Variants in PRKCH observed in about 807,000 individuals in gnomAD.
PRKCH encodes the protein protein kinase C eta type.
PRKCH carries 28 observed loss-of-function variants against 82.5 expected under a neutral mutation model. The observed-to-expected ratio is 0.34, with a 90% CI of 0.25 to 0.47. PRKCH has a LOEUF of 0.47. Ranked by LOEUF, PRKCH falls within the 20% of genes least tolerant of loss-of-function variation. The pLI is 1.00. For missense variants in PRKCH, 705 were observed against 881.8 expected (o/e 0.80, Z 2.54); for synonymous variants, 322 against 327.4 (o/e 0.98, Z 0.18).
chr14:61,418,871 A>G (rs1229318773), intron 2 of PRKCH, among the ~76,000 whole-genome samples: 2 of 152,210 alleles, frequency 1.3e-5, no homozygotes, highest in East Asian at 1.9e-4. Flanking sequence ...TTTCCTTCCT[A>G]AAAGAAGCAA....
intron 1 of PRKCH, among the ~76,000 whole-genome samples, chr14:61,199,750 C>T (rs187559784): frequency 2.0e-5 from 3 of 152,224 alleles, no homozygotes; most frequent in South Asian, 2.1e-4. Flanking sequence ...CCCCATGGAG[C>T]GCTTACCTCT....
Position 61,216,811 on chromosome 14 carries a change from A to T in PRKCH, c.-19+29143A>T, listed in dbSNP as rs550741494. Among the ~76,000 whole-genome samples the T allele has an allele frequency of 4.0e-5, 6 of 148,574 alleles. No homozygotes were observed. The East Asian group carries it at 7.7e-4, about 19-fold the overall frequency. ...GGTGTACAAAAGTAAGGTAATTTTT[A>T]AAAAATTATAGTTAATCTAATATGG... On this transcript the variant is annotated intron_variant, in intron 1 of 3. Coordinates refer to the PRKCH transcript ENST00000555185.
At chr14:61,192,739 T>TGAA (rs2044414609) in intron 1 of PRKCH, among the ~76,000 whole-genome samples, 1 of 152,226 alleles carries the variant, frequency 6.6e-6, no homozygotes, top group Non-Finnish European at 1.5e-5. Flanking sequence ...GCCATTTGGC[T>TGAA]AAGGCCAACC....
At chr14:61,243,133 G>A (rs2044853824) in intron 1 of PRKCH, among the ~76,000 whole-genome samples, 10 of 152,046 alleles carry the variant, frequency 6.6e-5, no homozygotes, top group Admixed American at 5.2e-4. Context: ...CACAGTTCAC[G>A]CCTGTAATCT....
chr14:61,352,701 A>G (rs922519424), intron 1 of PRKCH, among the ~76,000 whole-genome samples: 1 of 134,506 alleles, frequency 7.4e-6, no homozygotes, highest in African/African-American at 2.8e-5. Context: ...AAAGAAAGAA[A>G]GAAAGAAAGA....
At chr14:61,422,486 CT>C (rs1224244415) in intron 2 of PRKCH, among the ~76,000 whole-genome samples, 1 of 152,146 alleles carries the variant, frequency 6.6e-6, no homozygotes, top group African/African-American at 2.4e-5. Context: ...CCCTCTAGTA[CT>C]TTCTAGTATA....
intron 1 of PRKCH, among the ~76,000 whole-genome samples, chr14:61,259,536 T>A (rs765828634): frequency 6.6e-6 from 1 of 152,172 alleles, no homozygotes; most frequent in Non-Finnish European, 1.5e-5. Flanking sequence ...TCAGCTCCCA[T>A]CAAAGGAGAT....
Position 61,550,888 on chromosome 14 carries a change from C to T in PRKCH, c.*1057C>T, listed in dbSNP as rs1594807016. 1 of 152,260 alleles carries T rather than the reference C, an allele frequency of 6.6e-6. No individual in the cohort carries two copies. 9.4% of individuals were successfully genotyped at this position (152,260 alleles called of 1,614,324 possible). A position where few individuals can be genotyped will look rare whatever the true frequency, so the allele number is the denominator to read the frequency against. ...TTAGAAATGGATCTTGTAAACAGGG[C>T]ATATATCAAAGATGACCTTATAATA... On this transcript the variant is annotated 3_prime_UTR_variant, in exon 14 of 14. Coordinates refer to ENST00000332981, the MANE Select transcript of PRKCH (RefSeq NM_006255.5).
chr14:61,411,247 A>G (rs1472614614), intron 2 of PRKCH, among the ~76,000 whole-genome samples: 1 of 152,192 alleles, frequency 6.6e-6, no homozygotes, highest in African/African-American at 2.4e-5. Flanking sequence ...CTCGGTGACC[A>G]AGATAGGAAT....
chr14:61,473,374 G>A lies in PRKCH; in HGVS notation c.1279-12128G>A, dbSNP rs142843833. Among the ~76,000 whole-genome samples, 14 of 152,286 alleles carry A rather than the reference G, an allele frequency of 9.2e-5. No individual in the cohort carries two copies. The East Asian group carries it at 2.7e-3, about 29-fold the overall frequency. On this transcript the variant is annotated intron_variant, in intron 9 of 13. Coordinates refer to ENST00000332981, the MANE Select transcript of PRKCH (RefSeq NM_006255.5). Reference sequence around the variant, plus strand: ...TAACATAAGATTTGCATGTTAGAAGGCTCTCTCTGGCTGCTATGTACAGAG... The same window carrying A: ...TAACATAAGATTTGCATGTTAGAAGACTCTCTCTGGCTGCTATGTACAGAG...
intron 1 of PRKCH, among the ~76,000 whole-genome samples, chr14:61,333,755 G>A (rs961044831): frequency 6.6e-6 from 1 of 152,142 alleles, no homozygotes; most frequent in Non-Finnish European, 1.5e-5. Flanking sequence ...GGTATCTTTT[G>A]TTAATATAAA....
In PRKCH at chr14:61,400,154, G is replaced by A. The variant is rs763505313; in HGVS notation, c.427+8866G>A. ...AGCCCACTGGTTTACAAATAATTAC[G>A]TTCTCTGCTAAGTCATGTGGCACAT... On this transcript the variant is annotated intron_variant, in intron 2 of 13. Transcript: ENST00000332981. Among the ~76,000 whole-genome samples, 129 of 152,162 alleles carry A rather than the reference G, an allele frequency of 8.5e-4. 2 individuals carry two copies. The highest frequency in any genetic ancestry group is 1.5e-3 in the Non-Finnish European group (101 of 68,004).
At chr14:61,347,472 C>T (rs2046010814) in intron 1 of PRKCH, among the ~76,000 whole-genome samples, 1 of 152,162 alleles carries the variant, frequency 6.6e-6, no homozygotes, top group Non-Finnish European at 1.5e-5. Flanking sequence ...TAACTCCTGC[C>T]TTGCTGGGCT....
chr14:61,453,294 G>A lies in PRKCH; in HGVS notation c.901G>A (p.Glu301Lys). 1 of 1,614,126 alleles carries A rather than the reference G, an allele frequency of 6.2e-7. No individual in the cohort carries two copies. The highest frequency in any genetic ancestry group is 8.5e-7 in the Non-Finnish European group (1 of 1,180,016). Residue 301 changes from glutamate (E) to lysine (K), a missense_variant, in exon 7 of 14, where the codon GAA becomes AAA. This residue lies in a region of PRKCH where 238 missense variants were observed against 258.1 expected (regional missense o/e 0.92). Transcript: ENST00000332981. ...VAPNCGVNAV[E>K]LAKTLAGMGL... Reference sequence around the variant, plus strand: ...CCCTAACTGTGGGGTAAATGCGGTGGAACTTGCCAAGACCCTGGCAGGGAT... The same window carrying A: ...CCCTAACTGTGGGGTAAATGCGGTGAAACTTGCCAAGACCCTGGCAGGGAT...
chr14:61,293,989 T>C (rs1385105832), intron 1 of PRKCH, among the ~76,000 whole-genome samples: 1 of 152,238 alleles, frequency 6.6e-6, no homozygotes. Context: ...GCTACACTTA[T>C]TTGTTTGTTG....
chr14:61,412,081 CA>C (rs1882296869), intron 2 of PRKCH, among the ~76,000 whole-genome samples: 1 of 152,132 alleles, frequency 6.6e-6, no homozygotes, highest in Admixed American at 6.5e-5. Context: ...TGTCCCAGAT[CA>C]AAGCTGATTT....
intron 2 of PRKCH, among the ~76,000 whole-genome samples, chr14:61,401,670 T>A (rs1316846511): frequency 6.6e-6 from 1 of 152,256 alleles, no homozygotes; most frequent in African/African-American, 2.4e-5. Flanking sequence ...CACTTAAGAA[T>A]GTCTTTGATG....
At position 61,280,600 on chromosome 14, in the gene PRKCH, C is replaced by G; in HGVS notation, c.-19+92932C>G. 6.3e-7 allele frequency: 1 copy of G among 1,589,372 alleles called. No homozygotes were observed. Among genetic ancestry groups the G allele is most frequent in the Non-Finnish European group, 8.6e-7 (1 of 1,168,176 alleles). ...GAGCGGCACCTCGACGTAGGGCCCG[C>G]CGGGCTGGCGCTGGTGCCAAAGCGA... On this transcript the variant is annotated intron_variant, in intron 1 of 3. Coordinates refer to the PRKCH transcript ENST00000555185. This position sits in a 1 kb window ranked among gnomAD's most constrained non-coding sequence, Gnocchi z 5.0.
At chr14:61,374,334 A>T (rs1411057105) in intron 1 of PRKCH, among the ~76,000 whole-genome samples, 1 of 152,034 alleles carries the variant, frequency 6.6e-6, no homozygotes, top group Non-Finnish European at 1.5e-5. Flanking sequence ...CTGTCAGTGG[A>T]TCTACCATTC....
Sources: gnomAD v4.1 joint callset for allele counts (sites outside exome capture counted in the v4.1 genomes callset) on GRCh38, gnomAD v4.1.1 for gene constraint, gnomAD v4.1.1 regional missense constraint, Gnocchi (gnomAD v3.1) non-coding constraint, MANE v1.5 for transcripts, NCBI Gene and HGNC (gene_info 2026-07-23, HGNC 2026-07-21) for gene names.